STXBP4: variants seen among roughly 807,000 people sequenced by gnomAD.
STXBP4 encodes the protein syntaxin-binding protein 4.
In STXBP4, 55 loss-of-function variants were observed where a neutral mutation model predicts 76.1. The observed-to-expected ratio is 0.72, with a 90% confidence interval of 0.58 to 0.91. The LOEUF is 0.91. Ranked by LOEUF, STXBP4 falls within the 40% of genes least tolerant of loss-of-function variation. STXBP4 has a pLI of 0.00. For synonymous variants in STXBP4, 201 were observed against 220.2 expected (o/e 0.91, Z 0.77); for missense variants, 618 against 636.9 (o/e 0.97, Z 0.32).
chr17:55,208,559 A>G, the STXBP4 span, among the ~76,000 whole-genome samples: 8 of 143,038 alleles, frequency 5.6e-5, no homozygotes, highest in African/African-American at 2.3e-4. Flanking sequence ...GGAAGCAAGG[A>G]AGGAAGGGAG....
intron 8 of STXBP4, among the ~76,000 whole-genome samples, chr17:55,017,724 C>G (rs529495936): frequency 6.6e-6 from 1 of 152,140 alleles, no homozygotes; most frequent in Non-Finnish European, 1.5e-5. Flanking sequence ...TTACTCTAGT[C>G]GGCCCTTGGC....
chr17:55,210,151 G>A, the STXBP4 span, among the ~76,000 whole-genome samples: 1 of 152,204 alleles, frequency 6.6e-6, no homozygotes, highest in Non-Finnish European at 1.5e-5. Context: ...CCTGCATCTG[G>A]AATATTCACT....
chr17:55,124,011 T>C (rs1203716565), intron 16 of STXBP4, among the ~76,000 whole-genome samples: 1 of 152,142 alleles, frequency 6.6e-6, no homozygotes, highest in Admixed American at 6.6e-5. Flanking sequence ...TATTTGATAA[T>C]GATTGGTTGC....
the STXBP4 span, among the ~76,000 whole-genome samples, chr17:55,202,652 TG>T: frequency 1.3e-5 from 2 of 152,100 alleles, no homozygotes; most frequent in African/African-American, 4.8e-5. Context: ...CTCTTGAGAA[TG>T]GGTTTGAAGA....
intron 12 of STXBP4, among the ~76,000 whole-genome samples, chr17:55,056,968 C>T (rs1354018514): frequency 4.6e-5 from 7 of 152,120 alleles, no homozygotes; most frequent in African/African-American, 1.7e-4. Flanking sequence ...GTAACACTAT[C>T]AATAATTAAG....
At chr17:55,202,967 T>C in the STXBP4 span, among the ~76,000 whole-genome samples, 2 of 152,286 alleles carry the variant, frequency 1.3e-5, no homozygotes. Context: ...AGGAAAAAGC[T>C]TCATTTTTCC....
intron 8 of STXBP4, among the ~76,000 whole-genome samples, chr17:55,014,660 T>C (rs1431480873): frequency 6.6e-6 from 1 of 152,164 alleles, no homozygotes; most frequent in Non-Finnish European, 1.5e-5. Context: ...TCAGTCCTGC[T>C]GCTGGATCCA....
chr17:55,105,758 A>C (rs762938103), intron 16 of STXBP4, among the ~76,000 whole-genome samples: 1 of 151,898 alleles, frequency 6.6e-6, no homozygotes, highest in Admixed American at 6.6e-5. Flanking sequence ...GATTACAGGC[A>C]TGAGCCACCG....
chr17:55,097,178 T>G (rs1322932791), intron 16 of STXBP4, among the ~76,000 whole-genome samples: 1 of 7,822 alleles, frequency 1.3e-4, no homozygotes, highest in Non-Finnish European at 1.9e-4. Flanking sequence ...AACTGCAGAA[T>G]CTAATGAAAG....
chr17:55,187,687 G>A, the STXBP4 span, among the ~76,000 whole-genome samples: 26 of 152,334 alleles, frequency 1.7e-4, no homozygotes, highest in South Asian at 5.4e-3. Context: ...AGGCTGCCAA[G>A]AACTCAGAGG....
chr17:55,034,047 A>G (rs1441678030), intron 9 of STXBP4, 121 bp from the exon 10 acceptor site: 2 of 628,944 alleles, frequency 3.2e-6, no homozygotes, highest in Admixed American at 2.7e-5. Context: ...CACTTCAGTC[A>G]ATACTATTTT....
intron 13 of STXBP4, among the ~76,000 whole-genome samples, chr17:55,074,874 C>T (rs1474029652): frequency 2.0e-5 from 3 of 151,278 alleles, no homozygotes; most frequent in African/African-American, 7.3e-5. Context: ...AACCCAATAT[C>T]AGTGGAAAAA....
chr17:55,151,911 C>T (rs1183922292), intron 17 of STXBP4, among the ~76,000 whole-genome samples: 2 of 152,144 alleles, frequency 1.3e-5, no homozygotes, highest in Non-Finnish European at 2.9e-5. Flanking sequence ...CTGTTACATA[C>T]AACCAAATGT....
intron 8 of STXBP4, chr17:55,030,914 G>T: frequency 3.3e-6 from 1 of 301,510 alleles, no homozygotes; most frequent in South Asian, 6.7e-5. Flanking sequence ...TTTGATTTTT[G>T]GTTCTAGGAC....
At chr17:55,031,972 A>G (rs893663148) in intron 9 of STXBP4, among the ~76,000 whole-genome samples, 14 of 152,148 alleles carry the variant, frequency 9.2e-5, no homozygotes, top group Non-Finnish European at 1.9e-4. Context: ...ACTATTGTGA[A>G]TTTTGATAGT....
chr17:54,973,151 A>T (rs2144268173), intron 1 of STXBP4, among the ~76,000 whole-genome samples: 1 of 152,330 alleles, frequency 6.6e-6, no homozygotes, highest in South Asian at 2.1e-4. Flanking sequence ...AGCTCAGCGC[A>T]TGGATAGGGG....
intron 8 of STXBP4, among the ~76,000 whole-genome samples, chr17:55,023,916 C>CAAAAAAAAA (rs61454264): frequency 5.5e-4 from 34 of 62,228 alleles, no homozygotes; most frequent in African/African-American, 1.0e-3. Flanking sequence ...GGCCCTTTTC[C>CAAAAAAAAA]AAAAAAAAAA....
At position 55,040,138 on chromosome 17, in the gene STXBP4, A is replaced by T. The variant is rs187366286; in HGVS notation, c.856-3098A>T. On this transcript the variant is annotated intron_variant, in intron 10 of 17. Transcript: ENST00000376352. ...AGGGTAGGTGAGATATTAGAATATC[A>T]CAATCTAAAGAAGATAAAATTTCAA... 3.8e-4 allele frequency among the ~76,000 whole-genome samples: 58 copies of T among 152,320 alleles called. 1 individual carries two copies. The East Asian group carries it at 5.4e-3, about 14-fold the overall frequency.
the STXBP4 span, among the ~76,000 whole-genome samples, chr17:55,212,972 T>A: frequency 6.6e-6 from 1 of 152,012 alleles, no homozygotes; most frequent in African/African-American, 2.4e-5. Context: ...TGCTTGCTTC[T>A]CAAGTCAAGT....
Sources: gnomAD v4.1 joint callset for allele counts (sites outside exome capture counted in the v4.1 genomes callset) on GRCh38, gnomAD v4.1.1 for gene constraint, MANE v1.5 for transcripts, NCBI Gene and HGNC (gene_info 2026-07-23, HGNC 2026-07-21) for gene names.